Variants in ADAMTS14 observed in about 807,000 individuals in gnomAD.
ADAMTS14 encodes A disintegrin and metalloproteinase with thrombospondin motifs 14.
Under a neutral mutation model 128.6 loss-of-function variants are expected in ADAMTS14, and 100 were observed. That is an observed-to-expected ratio of 0.78 (90% CI 0.66 to 0.92). ADAMTS14 has a LOEUF of 0.92. ADAMTS14 is among the 40% of genes least tolerant of loss of function. ADAMTS14 has a pLI of 0.00. For synonymous variants in ADAMTS14, 665 were observed against 653.8 expected, an observed-to-expected ratio of 1.02 and a Z score of -0.26; for missense variants, 1,562 against 1,658.6, an observed-to-expected ratio of 0.94 and a Z score of 1.01.
At position 70,743,665 on chromosome 10, in the gene ADAMTS14, C is replaced by T. The variant is rs143776739; in HGVS notation, c.2042C>T (p.Ala681Val). Reference protein sequence around the residue: ...CSYRDPYSVCARGECVPVGCD... With the variant: ...CSYRDPYSVCVRGECVPVGCD... The stretch of plus-strand genomic sequence containing the variant: ...TACCGGGACCCATACAGCGTCTGTG[C>T]GCGTGGCGAGTGTGTGGTGGGTGCA... Residue 681 changes from alanine to valine, a missense_variant, in exon 13 of 22, where the codon GCG (alanine) becomes GTG (valine). Ala to Val is a moderately conservative substitution (Grantham distance 64). Transcript: ENST00000373207. 26 of 1,598,742 alleles carry T rather than the reference C, an allele frequency of 1.6e-5. No individual in the cohort carries two copies. Among genetic ancestry groups the T allele is most frequent in the Admixed American group, 5.2e-5 (3 of 57,812 alleles).
intron 11 of ADAMTS14, among the ~76,000 whole-genome samples, chr10:70,739,711 G>A (rs1841937464): frequency 1.3e-5 from 2 of 152,168 alleles, no homozygotes; most frequent in South Asian, 4.1e-4. Context: ...TCACAGCACT[G>A]AGGGGTATGA....
At chr10:70,709,495 G>T (rs1291042263) in intron 4 of ADAMTS14, among the ~76,000 whole-genome samples, 35 of 101,822 alleles carry the variant, frequency 3.4e-4, no homozygotes, top group East Asian at 7.6e-4. Flanking sequence ...AACATTTCCA[G>T]TTTTTTTTTT....
At chr10:70,704,797 A>C (rs1273823526) in intron 3 of ADAMTS14, among the ~76,000 whole-genome samples, 2 of 151,184 alleles carry the variant, frequency 1.3e-5, no homozygotes, top group Non-Finnish European at 2.9e-5. Flanking sequence ...ACACTCACAC[A>C]TAGACACACA....
At chr10:70,729,189 G>A in intron 4 of ADAMTS14, 105 bp from the exon 5 acceptor site, 2 of 956,586 alleles carry the variant, frequency 2.1e-6, no homozygotes, top group Non-Finnish European at 3.3e-6. Context: ...TGCCTGATAA[G>A]GTCACGGTGG....
chr10:70,738,086 A>G (rs895511232), intron 10 of ADAMTS14, among the ~76,000 whole-genome samples: 1 of 59,182 alleles, frequency 1.7e-5, no homozygotes, highest in African/African-American at 7.5e-5. Flanking sequence ...CTGAAGTTGT[A>G]AAATCTCCCC....
intron 9 of ADAMTS14, 111 bp from the exon 10 acceptor site, chr10:70,736,569 C>T: frequency 2.2e-6 from 2 of 925,932 alleles, no homozygotes. Context: ...GCCTTCCCTG[C>T]AGTGCCCTGG....
intron 2 of ADAMTS14, among the ~76,000 whole-genome samples, chr10:70,676,526 G>A (rs1447351772): frequency 2.6e-5 from 4 of 152,230 alleles, no homozygotes; most frequent in Non-Finnish European, 4.4e-5. Flanking sequence ...CTTGTCAGGT[G>A]CGCAGAATCT....
At chr10:70,716,623 T>C (rs1841056466) in intron 4 of ADAMTS14, among the ~76,000 whole-genome samples, 1 of 152,168 alleles carries the variant, frequency 6.6e-6, no homozygotes, top group South Asian at 2.1e-4. Flanking sequence ...GGGATTTCCA[T>C]GGGGCCAGTA....
Position 70,744,209 on chromosome 10 carries a change from G to C in ADAMTS14, c.2182+20G>C. On this transcript the variant is annotated intron_variant, in intron 14 of 21. Transcript: ENST00000373207. The stretch of plus-strand genomic sequence containing the variant: ...AGGCAGGTGAGCCGGGCTGGGGCTG[G>C]GGGGATGACGAGGGCTGACTGGAGT... 6.6e-7 allele frequency: 1 copy of C among 1,504,768 alleles called. No individual in the cohort carries two copies. The highest frequency in any genetic ancestry group is 1.3e-5 in the South Asian group (1 of 77,170). 93.2% of individuals were successfully genotyped at this position (1,504,768 alleles called of 1,614,324 possible).
intron 2 of ADAMTS14, among the ~76,000 whole-genome samples, chr10:70,693,464 T>C (rs777320708): frequency 5.9e-5 from 9 of 152,180 alleles, no homozygotes; most frequent in African/African-American, 1.9e-4. Flanking sequence ...CGGCCGCAGA[T>C]GCAAACACTA....
intron 4 of ADAMTS14, among the ~76,000 whole-genome samples, chr10:70,710,256 G>A (rs551144702): frequency 6.6e-6 from 1 of 152,360 alleles, no homozygotes; most frequent in African/African-American, 2.4e-5. Context: ...GCCTCTGCAA[G>A]GTGACCAGGT....
chr10:70,710,127 T>G (rs972056147), intron 4 of ADAMTS14, among the ~76,000 whole-genome samples: 3 of 152,160 alleles, frequency 2.0e-5, no homozygotes, highest in Non-Finnish European at 2.9e-5. Context: ...CCCATTGGGA[T>G]AGACCCCAGC....
At position 70,738,939 on chromosome 10, in the gene ADAMTS14, G is replaced by A. The variant is rs528519283; in HGVS notation, c.1697G>A (p.Arg566Gln). Reference protein sequence around the residue: ...SSWTKFGSCSRSCGGGVRSRS... With the variant: ...SSWTKFGSCSQSCGGGVRSRS... ...TGGACCAAGTTTGGGTCATGTTCGC[G>A]GTCATGTGGGGGCGGGGTGCGATCC... Residue 566 changes from arginine to glutamine, a missense_variant, in exon 11 of 22, where the codon CGG (arginine) becomes CAG (glutamine). By Grantham distance (43) the Arg-to-Gln change is conservative (BLOSUM62 1). Coordinates refer to ENST00000373207, the MANE Select transcript of ADAMTS14 (RefSeq NM_080722.4). 1.4e-5 allele frequency: 23 copies of A among 1,613,950 alleles called. No homozygotes were observed. In the African/African-American group the frequency reaches 1.6e-4, roughly 11 times the overall value.
At chr10:70,744,331 C>A in intron 14 of ADAMTS14, 142 bp downstream of exon 14, 2 of 1,207,610 alleles carry the variant, frequency 1.7e-6, no homozygotes, top group Non-Finnish European at 2.2e-6. Flanking sequence ...CCTTCCTGGG[C>A]TGCCCAGGCT....
Position 70,753,345 on chromosome 10 carries a change from G to A in ADAMTS14, c.2730-455G>A, listed in dbSNP as rs570129237. Among the ~76,000 whole-genome samples, 5 of 152,332 alleles carry A rather than the reference G, an allele frequency of 3.3e-5. No individual in the cohort carries two copies. The South Asian group carries it at 1.0e-3, about 32-fold the overall frequency. ...GGATGATGATGGTGACAGTAACAGT[G>A]TTCTTGTCCCAGGAGCCCCATGGGA... On this transcript the variant is annotated intron_variant, in intron 18 of 21. Transcript: ENST00000373207.
Position 70,733,992 on chromosome 10 carries a change from C to T in ADAMTS14, c.1316C>T (p.Ser439Phe), listed in dbSNP as rs201326790. The stretch of plus-strand genomic sequence containing the variant: ...GCTGCCTTCCACCGCTTCCATTGGT[C>T]CCGCTGCAGCAAGCTGGAGCTCAGC... ...VQAAFHRFHW[S>F]RCSKLELSRY... The change falls in exon 8 of 22, where the codon TCC (serine) becomes TTC (phenylalanine). Residue 439 changes from serine to phenylalanine, a missense_variant. Physicochemically the swap from Ser to Phe is radical, Grantham distance 155 (BLOSUM62 -2). Transcript: ENST00000373207. The T allele has an allele frequency of 2.2e-5, 35 of 1,613,690 alleles. No individual in the cohort carries two copies. Among genetic ancestry groups the T allele is most frequent in the Non-Finnish European group, 3.0e-5 (35 of 1,180,002 alleles).
chr10:70,674,423 T>C, intron 1 of ADAMTS14, 133 bp from the exon 2 acceptor site: 2 of 846,506 alleles, frequency 2.4e-6, no homozygotes, highest in East Asian at 2.5e-5. Context: ...GGAAAATGGG[T>C]GAACTCAGGC....
chr10:70,730,966 A>G (rs1316003377), intron 6 of ADAMTS14, among the ~76,000 whole-genome samples: 1 of 151,698 alleles, frequency 6.6e-6, no homozygotes, highest in Non-Finnish European at 1.5e-5. Flanking sequence ...AAGGCTTTCT[A>G]TTTTTTTCTG....
Position 70,760,913 on chromosome 10 carries a change from G to C in ADAMTS14, c.*60G>C. 1.7e-5 allele frequency: 25 copies of C among 1,500,866 alleles called. No homozygotes were observed. Among genetic ancestry groups the C allele is most frequent in the Non-Finnish European group, 2.2e-5 (25 of 1,125,668 alleles). 93.0% of individuals were successfully genotyped at this position (1,500,866 alleles called of 1,614,324 possible). A position where few individuals can be genotyped will look rare whatever the true frequency, so the allele number is the denominator to read the frequency against. The stretch of plus-strand genomic sequence containing the variant: ...TCTGTGTACTGCCCCGTGACTCCCA[G>C]CTCAGAGGACACACATAGCAGGGCA... On this transcript the variant is annotated 3_prime_UTR_variant, in exon 22 of 22. Transcript: ENST00000373207.
Sources: allele counts gnomAD v4.1 joint callset (sites outside exome capture counted in the v4.1 genomes callset), GRCh38; gene constraint gnomAD v4.1.1; transcripts MANE v1.5; gene names NCBI Gene and HGNC (gene_info 2026-07-23, HGNC 2026-07-21).